GPR176: variants seen among roughly 807,000 people sequenced by gnomAD.
GPR176 encodes the protein G protein-coupled receptor 176.
GPR176 carries 26 observed loss-of-function variants against 35.4 expected under a neutral mutation model. The observed-to-expected ratio is 0.74, with a 90% confidence interval of 0.54 to 1.02. The LOEUF (loss-of-function observed/expected upper bound fraction) is 1.02. GPR176 is among the 50% of genes least tolerant of loss of function. The pLI is 0.00. For synonymous variants in GPR176, 278 were observed against 271.3 expected (o/e 1.02, Z -0.24); for missense variants, 597 against 665.3 (o/e 0.90, Z 1.13).
At chr15:39,814,645 T>G (rs1241639459) in intron 1 of GPR176, among the ~76,000 whole-genome samples, 1 of 152,206 alleles carries the variant, frequency 6.6e-6, no homozygotes, top group Non-Finnish European at 1.5e-5. Flanking sequence ...TCATAGTCTG[T>G]GGGGGTTGTT....
intron 1 of GPR176, among the ~76,000 whole-genome samples, chr15:39,906,847 C>G (rs2033435645): frequency 6.6e-6 from 1 of 152,216 alleles, no homozygotes; most frequent in South Asian, 2.1e-4. Flanking sequence ...GCACTTCATT[C>G]AATTAATCAC....
Position 39,856,495 on chromosome 15 carries a change from T to C in GPR176, c.173-49237A>G, listed in dbSNP as rs182188518. On this transcript the variant is annotated intron_variant, in intron 1 of 2. Coordinates refer to ENST00000561100, the MANE Select transcript of GPR176 (RefSeq NM_007223.3). ...CTCTCAGGAGACTATGGTCAAGCTA[T>C]GGGGCATGGCTGCAGTCATCTGAAG... Among the ~76,000 whole-genome samples, 310 of 152,298 alleles carry C rather than the reference T, an allele frequency of 2.0e-3. 1 individual carries two copies. Among genetic ancestry groups the C allele is most frequent in the Admixed American group, 5.9e-3 (90 of 15,302 alleles).
At position 39,873,746 on chromosome 15, in the gene GPR176, C is replaced by A. The variant is rs542298792; in HGVS notation, c.172+46109G>T. Among the ~76,000 whole-genome samples the A allele has an allele frequency of 7.2e-5, 11 of 152,050 alleles. No homozygotes were observed. In the South Asian group the frequency reaches 1.5e-3, roughly 20 times the overall value. ...ATCTATGGGCACCCTGCACCTTCAC[C>A]ATCACCACAAGCCAGCCCCCACGAT... On this transcript the variant is annotated intron_variant, in intron 1 of 2. Transcript: ENST00000561100.
Position 39,801,257 on chromosome 15 carries a change from G to C in GPR176, c.1423C>G (p.Leu475Val). 6.2e-7 allele frequency: 1 copy of C among 1,614,174 alleles called. No homozygotes were observed. Among genetic ancestry groups the C allele is most frequent in the Non-Finnish European group, 8.5e-7 (1 of 1,180,000 alleles). Residue 475 changes from leucine to valine, a missense_variant, in exon 3 of 3, where the codon CTG becomes GTG. Around this residue, in one of 3 missense-constraint regions of GPR176, gnomAD observed 251 missense variants for 255.4 expected, o/e 0.98. Transcript: ENST00000561100. ...LSETRNSKKRLLPPLGNTPEE... is the reference protein window; with the variant it reads ...LSETRNSKKRVLPPLGNTPEE... ...GGGGTGTTGCCCAAGGGGGGAAGCAGCCGCTTCTTGCTGTTTCGGGTCTCT... is the reference window on the plus strand; with the variant it reads ...GGGGTGTTGCCCAAGGGGGGAAGCACCCGCTTCTTGCTGTTTCGGGTCTCT...
intron 1 of GPR176, among the ~76,000 whole-genome samples, chr15:39,895,788 G>C (rs916916924): frequency 1.3e-5 from 2 of 151,990 alleles, no homozygotes; most frequent in Non-Finnish European, 1.5e-5. Flanking sequence ...TTTATGTTAG[G>C]CCATATCCTC....
chr15:39,802,332 T>C (rs1262035785), intron 2 of GPR176, 78 bp from the exon 3 acceptor site: 1 of 1,144,664 alleles, frequency 8.7e-7, no homozygotes, highest in Non-Finnish European at 1.2e-6. Context: ...CAAAAGTAGA[T>C]GAGAGGGAAG....
At chr15:39,862,888 T>C (rs748996391) in intron 1 of GPR176, among the ~76,000 whole-genome samples, 91 of 152,114 alleles carry the variant, frequency 6.0e-4, no homozygotes, top group Admixed American at 9.2e-4. Flanking sequence ...GCAGGTTCTA[T>C]AGGAAGTATT....
chr15:39,830,525 T>A (rs1408466910), intron 1 of GPR176, among the ~76,000 whole-genome samples: 1 of 152,170 alleles, frequency 6.6e-6, no homozygotes, highest in East Asian at 1.9e-4. Context: ...ACCCTGGGCA[T>A]GCAGGCAAGT....
chr15:39,918,781 CAATT>C (rs1385551272), intron 1 of GPR176, among the ~76,000 whole-genome samples: 1 of 152,028 alleles, frequency 6.6e-6, no homozygotes, highest in African/African-American at 2.4e-5. Context: ...GGAATGATGA[CAATT>C]AGAGAAAGTA....
chr15:39,854,784 C>T (rs1253231983), intron 1 of GPR176, among the ~76,000 whole-genome samples: 1 of 152,114 alleles, frequency 6.6e-6, no homozygotes, highest in Non-Finnish European at 1.5e-5. Context: ...TACCTGTAAT[C>T]CAAACACCTT....
intron 1 of GPR176, among the ~76,000 whole-genome samples, chr15:39,840,357 T>C (rs1595468736): frequency 6.6e-6 from 1 of 152,132 alleles, no homozygotes; most frequent in South Asian, 2.1e-4. Flanking sequence ...CTGGAAACCA[T>C]CATTCTGAGC....
chr15:39,857,760 A>G (rs1229024901), intron 1 of GPR176, among the ~76,000 whole-genome samples: 1 of 152,018 alleles, frequency 6.6e-6, no homozygotes, highest in Non-Finnish European at 1.5e-5. Flanking sequence ...CAAGGTCAGG[A>G]GATCAAGACC....
chr15:39,894,332 G>A (rs1297611154), intron 1 of GPR176: 9 of 122,898 alleles, frequency 7.3e-5, no homozygotes, highest in South Asian at 2.4e-4. Context: ...CCTCCCTCCC[G>A]GACGGGGCGG....
At chr15:39,860,474 C>T (rs758268705) in intron 1 of GPR176, among the ~76,000 whole-genome samples, 25 of 152,240 alleles carry the variant, frequency 1.6e-4, no homozygotes, top group Non-Finnish European at 2.6e-4. Context: ...GCATCATACA[C>T]AGTGTCAATG....
chr15:39,866,427 A>G (rs957401880), intron 1 of GPR176, among the ~76,000 whole-genome samples: 2 of 152,216 alleles, frequency 1.3e-5, no homozygotes, highest in Non-Finnish European at 2.9e-5. Context: ...CATTAGTAAC[A>G]TAACTACACA....
chr15:39,855,042 C>A (rs983644473), intron 1 of GPR176, among the ~76,000 whole-genome samples: 4 of 144,756 alleles, frequency 2.8e-5, no homozygotes, highest in Non-Finnish European at 6.0e-5. Flanking sequence ...CAGAGTGAGA[C>A]CCTGTCTCAA....
intron 1 of GPR176, among the ~76,000 whole-genome samples, chr15:39,861,099 T>C (rs2031561074): frequency 6.6e-6 from 1 of 152,140 alleles, no homozygotes. Flanking sequence ...AAACTCTAGA[T>C]GGAAAGCCTC....
chr15:39,835,199 T>C (rs1350067531), intron 1 of GPR176, among the ~76,000 whole-genome samples: 1 of 151,908 alleles, frequency 6.6e-6, no homozygotes, highest in African/African-American at 2.4e-5. Context: ...TGTATTTTTT[T>C]AGTAGAGATG....
intron 1 of GPR176, among the ~76,000 whole-genome samples, chr15:39,856,658 G>A (rs1320276323): frequency 6.6e-6 from 1 of 152,204 alleles, no homozygotes; most frequent in African/African-American, 2.4e-5. Context: ...TCCAAGAAAA[G>A]GCAAGATAAT....
Sources: allele counts gnomAD v4.1 joint callset (sites outside exome capture counted in the v4.1 genomes callset), GRCh38; gene constraint gnomAD v4.1.1; regional missense constraint gnomAD v4.1.1; transcripts MANE v1.5; gene names NCBI Gene and HGNC (gene_info 2026-07-23, HGNC 2026-07-21).